ENOX1: variants seen among roughly 807,000 people sequenced by gnomAD.
ENOX1 encodes ecto-NOX disulfide-thiol exchanger 1, also known as candidate growth-related and time keeping constitutive hydroquinone (NADH) oxidase.
In ENOX1, 42 loss-of-function variants were observed where a neutral mutation model predicts 82.5. The observed-to-expected ratio is 0.51, with a 90% CI of 0.40 to 0.66. The LOEUF (loss-of-function observed/expected upper bound fraction) is 0.66, where lower values mean the gene tolerates loss of function less well. Among genes scored for constraint, ENOX1 ranks in the 30% least tolerant of loss-of-function variants. The pLI is 0.00. For synonymous variants in ENOX1, 271 were observed against 282.2 expected, an observed-to-expected ratio of 0.96 and a Z score of 0.40; for missense variants, 608 against 811.6, an observed-to-expected ratio of 0.75 and a Z score of 3.05.
chr13:43,623,567 G>A (rs2082838498), intron 2 of ENOX1, among the ~76,000 whole-genome samples: 3 of 152,128 alleles, frequency 2.0e-5, no homozygotes, highest in Non-Finnish European at 2.9e-5. Flanking sequence ...TCACTTTCAC[G>A]GTTGGGGCAC....
intron 2 of ENOX1, among the ~76,000 whole-genome samples, chr13:43,621,229 A>G (rs1006314029): frequency 1.3e-5 from 2 of 152,158 alleles, no homozygotes; most frequent in Non-Finnish European, 2.9e-5. Context: ...GGCCATTTAT[A>G]TTCAATGTTA....
At chr13:43,681,406 A>G (rs1204875069) in intron 1 of ENOX1, among the ~76,000 whole-genome samples, 2 of 152,122 alleles carry the variant, frequency 1.3e-5, no homozygotes, top group Non-Finnish European at 2.9e-5. Flanking sequence ...CCTTAGGACA[A>G]CAAAATGTAT....
At chr13:43,604,339 G>C (rs924835488) in intron 2 of ENOX1, among the ~76,000 whole-genome samples, 1 of 151,914 alleles carries the variant, frequency 6.6e-6, no homozygotes, top group African/African-American at 2.4e-5. Flanking sequence ...TGGGTTGCCT[G>C]TTCACTCTGA....
At chr13:43,346,993 T>A (rs1566568302) in intron 8 of ENOX1, among the ~76,000 whole-genome samples, 1 of 152,198 alleles carries the variant, frequency 6.6e-6, no homozygotes. Flanking sequence ...ATCCTTAACA[T>A]TTTTGTTATG....
chr13:43,389,325 A>G (rs1234534671), intron 5 of ENOX1, among the ~76,000 whole-genome samples: 2 of 152,250 alleles, frequency 1.3e-5, no homozygotes, highest in Non-Finnish European at 2.9e-5. Context: ...CCAACAGAGT[A>G]GTCAAAGTAA....
At chr13:43,442,087 G>T (rs576197415) in intron 3 of ENOX1, among the ~76,000 whole-genome samples, 14 of 152,042 alleles carry the variant, frequency 9.2e-5, no homozygotes, top group Admixed American at 1.3e-4. Flanking sequence ...CAGAGCCTCC[G>T]CACATGGAGC....
chr13:43,388,279 G>C (rs2052554422), intron 5 of ENOX1, among the ~76,000 whole-genome samples: 2 of 152,110 alleles, frequency 1.3e-5, no homozygotes, highest in Non-Finnish European at 2.9e-5. Context: ...AAGACCATTA[G>C]GGAAAGATAC....
intron 14 of ENOX1, among the ~76,000 whole-genome samples, chr13:43,242,423 T>G (rs965370870): frequency 2.0e-5 from 3 of 152,274 alleles, no homozygotes; most frequent in African/African-American, 7.2e-5. Flanking sequence ...CCTGTTCCCT[T>G]TCTTTCATTC....
intron 1 of ENOX1, among the ~76,000 whole-genome samples, chr13:43,689,552 C>A (rs1389378823): frequency 2.0e-5 from 3 of 152,158 alleles, no homozygotes; most frequent in African/African-American, 7.2e-5. Context: ...GAGAAAATGG[C>A]AAAATCAGCT....
chr13:43,520,699 A>G (rs1403648121), intron 2 of ENOX1, among the ~76,000 whole-genome samples: 1 of 152,144 alleles, frequency 6.6e-6, no homozygotes, highest in African/African-American at 2.4e-5. Flanking sequence ...TGAGGATTTG[A>G]AAAGAAAGTG....
chr13:43,340,030 C>T (rs2048964430), intron 9 of ENOX1, among the ~76,000 whole-genome samples: 1 of 152,116 alleles, frequency 6.6e-6, no homozygotes, highest in Admixed American at 6.5e-5. Flanking sequence ...CTGTGGAAAG[C>T]AAGAAGTACA....
At chr13:43,566,011 T>C (rs1396987528) in intron 2 of ENOX1, among the ~76,000 whole-genome samples, 1 of 152,180 alleles carries the variant, frequency 6.6e-6, no homozygotes, top group African/African-American at 2.4e-5. Context: ...GTAATCACCA[T>C]GTGGGTTGCA....
chr13:43,501,239 T>A (rs2076970013), intron 2 of ENOX1, among the ~76,000 whole-genome samples: 1 of 151,706 alleles, frequency 6.6e-6, no homozygotes. Context: ...TACAAAATGC[T>A]TTTAAGTCAA....
intron 3 of ENOX1, among the ~76,000 whole-genome samples, chr13:43,438,107 A>G (rs2056141919): frequency 6.6e-6 from 1 of 152,226 alleles, no homozygotes; most frequent in Non-Finnish European, 1.5e-5. Context: ...ATGGTGAAAA[A>G]GTGGAGAACG....
intron 2 of ENOX1, among the ~76,000 whole-genome samples, chr13:43,588,277 A>G (rs1200957906): frequency 6.6e-6 from 1 of 152,190 alleles, no homozygotes; most frequent in East Asian, 1.9e-4. Flanking sequence ...AAATGTATAG[A>G]TAAGTGCTTT....
chr13:43,341,712 GCACTC>G (rs2049073745), intron 9 of ENOX1, among the ~76,000 whole-genome samples: 1 of 152,146 alleles, frequency 6.6e-6, no homozygotes, highest in African/African-American at 2.4e-5. Flanking sequence ...AGAAAGGGAA[GCACTC>G]TGTATGGCAA....
chr13:43,760,828 A>G (rs898386750), intron 1 of ENOX1, among the ~76,000 whole-genome samples: 5 of 150,808 alleles, frequency 3.3e-5, no homozygotes, highest in Admixed American at 6.6e-5. Context: ...ACTTTATTCC[A>G]GGATCACAGA....
intron 3 of ENOX1, among the ~76,000 whole-genome samples, chr13:43,455,379 T>A (rs1026116948): frequency 6.6e-6 from 1 of 152,240 alleles, no homozygotes; most frequent in Non-Finnish European, 1.5e-5. Flanking sequence ...CCTGGTATTC[T>A]GAAGTCTTAG....
chr13:43,633,312 G>A (rs1450715298), intron 2 of ENOX1, among the ~76,000 whole-genome samples: 1 of 152,128 alleles, frequency 6.6e-6, no homozygotes, highest in Non-Finnish European at 1.5e-5. Context: ...TAAATTGGTA[G>A]AGTTATTTTA....
Sources: allele counts gnomAD v4.1 joint callset (sites outside exome capture counted in the v4.1 genomes callset), GRCh38; gene constraint gnomAD v4.1.1; transcripts MANE v1.5; gene names NCBI Gene and HGNC (gene_info 2026-07-23, HGNC 2026-07-21).